SORCS3: variants seen among roughly 807,000 people sequenced by gnomAD.
The protein encoded by SORCS3 is sortilin related VPS10 domain containing receptor 3.
SORCS3 carries 57 observed loss-of-function variants against 146.3 expected under a neutral mutation model. The ratio of observed to expected loss-of-function variants is 0.39; its 90% CI spans 0.31 to 0.49. SORCS3 has a LOEUF of 0.49. Among genes scored for constraint, SORCS3 ranks in the 20% least tolerant of loss-of-function variants. The pLI is 0.92. For missense variants in SORCS3, 1,341 were observed against 1,575.5 expected (o/e 0.85, Z 2.52); for synonymous variants, 653 against 618.5 (o/e 1.06, Z -0.83).
chr10:104,806,407 A>C (rs2017680136), intron 1 of SORCS3, among the ~76,000 whole-genome samples: 2 of 152,328 alleles, frequency 1.3e-5, no homozygotes, highest in Non-Finnish European at 2.9e-5. Flanking sequence ...AACCCTCTTC[A>C]GTTGGGGTGA....
intron 7 of SORCS3, among the ~76,000 whole-genome samples, chr10:105,123,626 A>G (rs1463787344): frequency 2.0e-5 from 3 of 152,192 alleles, no homozygotes; most frequent in Non-Finnish European, 4.4e-5. Context: ...TTCCTGCCAT[A>G]ACAGGGTTTA....
At chr10:104,743,661 G>A (rs2016875752) in intron 1 of SORCS3, among the ~76,000 whole-genome samples, 1 of 152,102 alleles carries the variant, frequency 6.6e-6, no homozygotes, top group Non-Finnish European at 1.5e-5. Flanking sequence ...ATTAGTGGGT[G>A]TTACTGACCC....
At chr10:104,884,977 T>C (rs1338896184) in intron 2 of SORCS3, among the ~76,000 whole-genome samples, 2 of 152,306 alleles carry the variant, frequency 1.3e-5, no homozygotes, top group East Asian at 3.9e-4. Context: ...TTTATTCTGC[T>C]TCTTTGAAGA....
chr10:104,854,208 G>C (rs2018305018), intron 2 of SORCS3, among the ~76,000 whole-genome samples: 2 of 152,096 alleles, frequency 1.3e-5, no homozygotes, highest in African/African-American at 4.8e-5. Context: ...TGATATGATT[G>C]GTCACATAAT....
intron 20 of SORCS3, among the ~76,000 whole-genome samples, chr10:105,241,385 G>A (rs2056822140): frequency 6.6e-6 from 1 of 152,218 alleles, no homozygotes; most frequent in Admixed American, 6.5e-5. Context: ...AGGTGAGGGT[G>A]CTCACAACCC....
At chr10:104,920,326 T>A (rs1589549751) in intron 3 of SORCS3, among the ~76,000 whole-genome samples, 1 of 152,242 alleles carries the variant, frequency 6.6e-6, no homozygotes. Context: ...CCAAAGCTAA[T>A]TGTTGATTTT....
intron 3 of SORCS3, among the ~76,000 whole-genome samples, chr10:104,970,356 A>C (rs2133642341): frequency 6.6e-6 from 1 of 152,258 alleles, no homozygotes; most frequent in East Asian, 1.9e-4. Context: ...AATGTTGGCC[A>C]AGCTGGTCTT....
chr10:105,080,367 G>A (rs1564749112), intron 5 of SORCS3, among the ~76,000 whole-genome samples: 1 of 152,048 alleles, frequency 6.6e-6, no homozygotes, highest in Admixed American at 6.6e-5. Context: ...CTTTTGAAAA[G>A]TATCTGTTCA....
chr10:105,026,626 C>T (rs866203894), intron 4 of SORCS3, among the ~76,000 whole-genome samples: 2 of 152,150 alleles, frequency 1.3e-5, no homozygotes, highest in African/African-American at 2.4e-5. Flanking sequence ...TACGTATACA[C>T]CATGGAATAC....
chr10:105,050,098 C>G (rs868432443), intron 5 of SORCS3, among the ~76,000 whole-genome samples: 1 of 151,908 alleles, frequency 6.6e-6, no homozygotes, highest in African/African-American at 2.4e-5. Flanking sequence ...CAAAATATTA[C>G]CCAAACTGTG....
chr10:105,160,859 T>A (rs905299800), intron 11 of SORCS3, among the ~76,000 whole-genome samples: 16 of 152,186 alleles, frequency 1.1e-4, no homozygotes, highest in African/African-American at 3.6e-4. Flanking sequence ...GCCCTGACAC[T>A]TATTAGGTTT....
chr10:105,043,236 A>G, intron 5 of SORCS3, 108 bp downstream of exon 5: 2 of 948,722 alleles, frequency 2.1e-6, no homozygotes, highest in Non-Finnish European at 3.4e-6. Context: ...AATGTGTTCC[A>G]GTCCTTTGCT....
At chr10:105,014,466 G>C (rs756131253) in intron 4 of SORCS3, among the ~76,000 whole-genome samples, 23 of 152,072 alleles carry the variant, frequency 1.5e-4, no homozygotes, top group Non-Finnish European at 2.8e-4. Flanking sequence ...CTCATTAAAA[G>C]ATTCCAAAAA....
intron 20 of SORCS3, among the ~76,000 whole-genome samples, chr10:105,244,045 CAAAG>C (rs2056851936): frequency 1.3e-5 from 2 of 152,162 alleles, no homozygotes; most frequent in African/African-American, 4.8e-5. Flanking sequence ...CGTCCTGACA[CAAAG>C]AGAGGAGAGA....
intron 2 of SORCS3, among the ~76,000 whole-genome samples, chr10:104,894,063 T>C (rs2018775318): frequency 6.6e-6 from 1 of 152,220 alleles, no homozygotes; most frequent in South Asian, 2.1e-4. Flanking sequence ...TTCTTAATTA[T>C]TCCAGCTACT....
At chr10:105,067,253 A>T (rs574323288) in intron 5 of SORCS3, among the ~76,000 whole-genome samples, 3 of 152,250 alleles carry the variant, frequency 2.0e-5, no homozygotes, top group Admixed American at 1.3e-4. Context: ...AAGGCCAGGC[A>T]TGGTGGCTCA....
At chr10:104,733,773 T>C (rs888286925) in intron 1 of SORCS3, among the ~76,000 whole-genome samples, 1 of 152,082 alleles carries the variant, frequency 6.6e-6, no homozygotes. Context: ...TTCTTTTTTC[T>C]CAATCCCCTG....
At chr10:104,733,575 T>A (rs1307464034) in intron 1 of SORCS3, among the ~76,000 whole-genome samples, 3 of 151,380 alleles carry the variant, frequency 2.0e-5, no homozygotes, top group African/African-American at 7.3e-5. Context: ...GACCAAACGC[T>A]TTGAGCCATT....
chr10:104,884,039 T>C lies in SORCS3; in HGVS notation c.696-31794T>C, dbSNP rs1162613868. 2.0e-5 allele frequency among the ~76,000 whole-genome samples: 3 copies of C among 152,166 alleles called. No individual in the cohort carries two copies. In the East Asian group the frequency reaches 5.8e-4, roughly 29 times the overall value. The stretch of plus-strand genomic sequence containing the variant: ...TGACCAAACAGATGGTACAGCCACC[T>C]GTAGCAAACCAGGGCAGGCAATAGA... On this transcript the variant is annotated intron_variant, in intron 2 of 26. Transcript: ENST00000369701.
Sources: allele counts gnomAD v4.1 joint callset (sites outside exome capture counted in the v4.1 genomes callset), GRCh38; gene constraint gnomAD v4.1.1; transcripts MANE v1.5; gene names NCBI Gene and HGNC (gene_info 2026-07-23, HGNC 2026-07-21).